THAP3: variants seen among roughly 807,000 people sequenced by gnomAD.
THAP3 encodes the protein THAP domain containing 3, also known as THAP domain-containing protein 3.
THAP3 carries 12 observed loss-of-function variants against 17.7 expected under a neutral mutation model. The observed-to-expected ratio is 0.68, with a 90% confidence interval of 0.43 to 1.10. The LOEUF (loss-of-function observed/expected upper bound fraction) is 1.10. Among genes scored for constraint, THAP3 ranks in the 50% least tolerant of loss-of-function variants. The pLI is 0.00. For missense variants in THAP3, 289 were observed against 318.0 expected (o/e 0.91, Z 0.69); for synonymous variants, 133 against 126.9 (o/e 1.05, Z -0.32).
chr1:6,625,462 G>C (rs1227679415), intron 2 of THAP3, among the ~76,000 whole-genome samples, 170 bp downstream of exon 2: 2 of 151,922 alleles, frequency 1.3e-5, no homozygotes, highest in Non-Finnish European at 2.9e-5. Context: ...CCGCCGCGGG[G>C]ATGCGGGGAG....
At chr1:6,625,403 C>A in intron 2 of THAP3, 111 bp downstream of exon 2, 1 of 1,039,946 alleles carries the variant, frequency 9.6e-7, no homozygotes, top group Non-Finnish European at 1.3e-6. Flanking sequence ...GCCGCTGGGC[C>A]CGGGGACAGG....
Position 6,625,151 on chromosome 1 carries a change from T to G in THAP3, c.-68T>G. 9 of 1,332,266 alleles carry G rather than the reference T, an allele frequency of 6.8e-6. No homozygotes were observed. The highest frequency in any genetic ancestry group is 8.2e-6 in the Non-Finnish European group (8 of 971,776). 82.5% of individuals were successfully genotyped at this position (1,332,266 alleles called of 1,614,324 possible). On this transcript the variant is annotated splice_region_variant and 5_prime_UTR_variant, in exon 2 of 6. Transcript: ENST00000054650. ...CAGCGGCCCCGCCCCTCCCCGCAGG[T>G]CCCTCCCCTCTCCGCAGGCCCCGCC...
At chr1:6,629,414 G>T (rs554716613) in intron 3 of THAP3, among the ~76,000 whole-genome samples, 2 of 152,190 alleles carry the variant, frequency 1.3e-5, no homozygotes, top group African/African-American at 4.8e-5. Context: ...CAGAGCGGCC[G>T]CCTGGGAGCC....
chr1:6,635,024 AC>A, downstream of THAP3: 1 of 418,482 alleles, frequency 2.4e-6, no homozygotes, highest in Non-Finnish European at 3.9e-6. Flanking sequence ...ATCGGGAGTT[AC>A]ACTACCCTGT....
At chr1:6,627,521 C>T (rs557918495) in intron 2 of THAP3, among the ~76,000 whole-genome samples, 8 of 152,250 alleles carry the variant, frequency 5.3e-5, no homozygotes, top group South Asian at 2.1e-4. Flanking sequence ...TGCGCCACCA[C>T]GCTGGGCTAA....
At position 6,625,233 on chromosome 1, in the gene THAP3, C is replaced by T. The variant is rs1386580899; in HGVS notation, c.15C>T (p.Cys5=). Residue 5 remains cysteine (C), a synonymous_variant, in exon 2 of 6, where the codon TGC becomes TGT. Coordinates refer to ENST00000054650, the MANE Select transcript of THAP3 (RefSeq NM_001195753.2). ...CCTGGCTCGAGATGCCGAAGTCGTG[C>T]GCGGCCCGGCAGTGCTGCAACCGCT... MPKS[C]AARQCCNRYS... 1.2e-5 allele frequency: 18 copies of T among 1,543,710 alleles called. No homozygotes were observed. Among genetic ancestry groups the T allele is most frequent in the Non-Finnish European group, 1.5e-5 (17 of 1,146,246 alleles).
intron 4 of THAP3, 61 bp downstream of exon 4, chr1:6,630,414 G>T: frequency 1.3e-6 from 2 of 1,575,390 alleles, no homozygotes; most frequent in African/African-American, 1.3e-5. Flanking sequence ...AGACAGGGAG[G>T]TGGGATTTTC....
Position 6,628,588 on chromosome 1 carries a change from G to C in THAP3, c.164G>C (p.Cys55Ser). ...NFKPKQHTVI[C>S]SEHFRPECFS... ...AAGCCCAAGCAGCACACGGTCATCTGCTCCGAGCACTTCCGGCCAGAGTGC... is the reference window on the plus strand; with the variant it reads ...AAGCCCAAGCAGCACACGGTCATCTCCTCCGAGCACTTCCGGCCAGAGTGC... The change falls in exon 3 of 6, where the codon TGC becomes TCC. Residue 55 changes from cysteine to serine, a missense_variant. By Grantham distance (112) the Cys-to-Ser change is moderately radical. Coordinates refer to ENST00000054650, the MANE Select transcript of THAP3 (RefSeq NM_001195753.2). 6.2e-7 allele frequency: 1 copy of C among 1,613,848 alleles called. No homozygotes were observed. Among genetic ancestry groups the C allele is most frequent in the Non-Finnish European group, 8.5e-7 (1 of 1,180,014 alleles).
At chr1:6,625,002 A>C in intron 1 of THAP3, 48 bp downstream of exon 1, 1 of 553,930 alleles carries the variant, frequency 1.8e-6, no homozygotes, top group South Asian at 2.1e-5. Flanking sequence ...TTCGGGCCTG[A>C]ATTGGGGCCC....
chr1:6,628,512 C>T lies in THAP3; in HGVS notation c.88C>T (p.Arg30Cys), dbSNP rs369052326. The T allele has an allele frequency of 2.4e-5, 38 of 1,612,096 alleles. No individual in the cohort carries two copies. Among genetic ancestry groups the T allele is most frequent in the Non-Finnish European group, 3.1e-5 (37 of 1,179,324 alleles). ...CTCTGCCCTTAGGTTTCCGTTCAGCCGCCCGGAGCTGCTGAAGGAATGGGT... is the reference window on the plus strand; with the variant it reads ...CTCTGCCCTTAGGTTTCCGTTCAGCTGCCCGGAGCTGCTGAAGGAATGGGT... ...QLTFHRFPFS[R>C]PELLKEWVLN... Residue 30 changes from arginine to cysteine, a missense_variant, in exon 3 of 6, where the codon CGC becomes TGC. Coordinates refer to ENST00000054650, the MANE Select transcript of THAP3 (RefSeq NM_001195753.2).
downstream of THAP3, chr1:6,634,731 C>T (rs1407630925): frequency 1.5e-6 from 2 of 1,358,116 alleles, no homozygotes. Context: ...AGCACAGGCC[C>T]TGGTGTTCCT....
intron 3 of THAP3, among the ~76,000 whole-genome samples, chr1:6,629,076 C>T (rs1641539700): frequency 1.3e-5 from 2 of 152,274 alleles, no homozygotes; most frequent in East Asian, 1.9e-4. Context: ...TTGGTGGGCA[C>T]CTGTAATCCC....
In THAP3 at chr1:6,633,030, G is replaced by A. The variant is rs765918931; in HGVS notation, c.673G>A (p.Gly225Arg). 3.1e-6 allele frequency: 5 copies of A among 1,610,836 alleles called. No homozygotes were observed. In the African/African-American group the frequency reaches 6.7e-5, roughly 22 times the overall value. The change falls in exon 6 of 6, where the codon GGG becomes AGG. Residue 225 changes from glycine (G) to arginine (R), a missense_variant. Transcript: ENST00000054650. ...RMSSRLRACK[G>R]HQGLQARLGP... Reference sequence around the variant, plus strand: ...GTCCAGCCGCCTCCGTGCTTGCAAAGGGCACCAGGGACTCCAGGCCAGACT... The same window carrying A: ...GTCCAGCCGCCTCCGTGCTTGCAAAAGGCACCAGGGACTCCAGGCCAGACT...
At position 6,633,396 on chromosome 1, in the gene THAP3, C is replaced by T. The variant is rs1304911437; in HGVS notation, c.*319C>T. On this transcript the variant is annotated 3_prime_UTR_variant, in exon 6 of 6. Transcript: ENST00000054650. ...CGCAGAGCAAAGATCGTTGGAAGCCCCAGTGTGGGAGATGCTCCTCAGGGA... is the reference window on the plus strand; with the variant it reads ...CGCAGAGCAAAGATCGTTGGAAGCCTCAGTGTGGGAGATGCTCCTCAGGGA... 3 of 1,219,280 alleles carry T rather than the reference C, an allele frequency of 2.5e-6. No individual in the cohort carries two copies. Among genetic ancestry groups the T allele is most frequent in the Non-Finnish European group, 3.1e-6 (3 of 968,852 alleles). 75.5% of individuals were successfully genotyped at this position (1,219,280 alleles called of 1,614,324 possible). A position where few individuals can be genotyped will look rare whatever the true frequency, so the allele number is the denominator to read the frequency against.
intron 2 of THAP3, among the ~76,000 whole-genome samples, chr1:6,626,917 T>G (rs921519721): frequency 1.3e-5 from 2 of 152,226 alleles, no homozygotes; most frequent in African/African-American, 4.8e-5. Context: ...ATCTATCTGT[T>G]TTGCCTCTGT....
chr1:6,630,413 G>C (rs1641577982), intron 4 of THAP3, 60 bp downstream of exon 4: 1 of 1,575,464 alleles, frequency 6.3e-7, no homozygotes, highest in Non-Finnish European at 8.7e-7. Context: ...GAGACAGGGA[G>C]GTGGGATTTT....
downstream of THAP3, chr1:6,633,639 T>A: frequency 9.7e-7 from 1 of 1,032,002 alleles, no homozygotes; most frequent in Non-Finnish European, 1.2e-6. Flanking sequence ...CCGGGCGCAG[T>A]GGCTCATGCC....
intron 4 of THAP3, among the ~76,000 whole-genome samples, chr1:6,631,198 T>A (rs1340678689): frequency 8.6e-6 from 1 of 115,684 alleles, no homozygotes; most frequent in Non-Finnish European, 1.9e-5. Flanking sequence ...TTTTTTTTTT[T>A]AGAAATGGGG....
Position 6,633,557 on chromosome 1 carries a change from T to A in THAP3, c.*480T>A. On this transcript the variant is annotated 3_prime_UTR_variant, in exon 6 of 6. Transcript: ENST00000054650. ...AGTGGGCAGTGTAATAAAGTGTCTT[T>A]CTATACGGTGTCGCTCCCATCATCA... 5.6e-6 allele frequency: 6 copies of A among 1,080,380 alleles called. No individual in the cohort carries two copies. Among genetic ancestry groups the A allele is most frequent in the Non-Finnish European group, 6.8e-6 (6 of 888,466 alleles). The allele number at this position is 1,080,380 out of a possible 1,614,324, so 66.9% of individuals were successfully genotyped here. A position where few individuals can be genotyped will look rare whatever the true frequency, so the allele number is the denominator to read the frequency against.
Sources: allele counts gnomAD v4.1 joint callset (sites outside exome capture counted in the v4.1 genomes callset), GRCh38; gene constraint gnomAD v4.1.1; transcripts MANE v1.5; gene names NCBI Gene and HGNC (gene_info 2026-07-23, HGNC 2026-07-21).